DENND4C: variants seen among roughly 807,000 people sequenced by gnomAD.
DENND4C encodes the protein DENN domain-containing protein 4C.
Under a neutral mutation model 203.0 loss-of-function variants are expected in DENND4C, and 108 were observed. The observed-to-expected ratio is 0.53, with a 90% CI of 0.46 to 0.62. The LOEUF (loss-of-function observed/expected upper bound fraction) is 0.62. Ranked by LOEUF, DENND4C falls within the 20% of genes least tolerant of loss-of-function variation. The pLI, the probability that DENND4C is intolerant of heterozygous loss-of-function variation, is 0.00. For synonymous variants in DENND4C, 871 were observed against 792.4 expected (o/e 1.10, Z -1.67); for missense variants, 2,481 against 2,301.2 (o/e 1.08, Z -1.60).
chr9:19,358,209 A>G lies in DENND4C; in HGVS notation c.5160+49A>G. 1.4e-6 allele frequency: 2 copies of G among 1,438,766 alleles called. No individual in the cohort carries two copies. The highest frequency in any genetic ancestry group is 1.9e-6 in the Non-Finnish European group (2 of 1,049,134). The allele number at this position is 1,438,766 out of a possible 1,614,324, so 89.1% of individuals were successfully genotyped here. ...AATTATACTGCATACACACCTAAGT[A>G]TATAGTAGAACATTATAAATTCTTC... is the stretch of plus-strand genomic sequence containing the variant. On this transcript the variant is annotated intron_variant, in intron 28 of 32. Coordinates refer to ENST00000434457, the MANE Select transcript of DENND4C (RefSeq NM_001330640.2). The surrounding 1 kb of genome is among the most constrained non-coding windows in gnomAD (Gnocchi z 4.8).
chr9:19,338,127 C>G (rs1316961066), intron 20 of DENND4C, among the ~76,000 whole-genome samples: 3 of 152,068 alleles, frequency 2.0e-5, no homozygotes, highest in Non-Finnish European at 4.4e-5. Context: ...AATTAACTTC[C>G]TCAGTTTGCC....
chr9:19,356,613 T>A (rs1246302589), intron 26 of DENND4C, among the ~76,000 whole-genome samples: 2 of 152,148 alleles, frequency 1.3e-5, no homozygotes, highest in African/African-American at 4.8e-5. Context: ...CTCTTTATTT[T>A]TTTTTTTAAC....
intron 1 of DENND4C, among the ~76,000 whole-genome samples, chr9:19,241,794 G>C (rs1016141809): frequency 1.3e-5 from 2 of 151,904 alleles, no homozygotes; most frequent in African/African-American, 4.8e-5. Flanking sequence ...GAGGTGGGAC[G>C]ATCGCTTGAG....
intron 30 of DENND4C, among the ~76,000 whole-genome samples, chr9:19,363,658 CAT>C (rs1401500445): frequency 6.6e-6 from 1 of 152,038 alleles, no homozygotes; most frequent in African/African-American, 2.4e-5. Flanking sequence ...GTAATATAAA[CAT>C]ATTTTAAAAG....
intron 2 of DENND4C, among the ~76,000 whole-genome samples, chr9:19,279,451 G>A (rs963834955): frequency 2.0e-5 from 3 of 152,054 alleles, no homozygotes; most frequent in South Asian, 2.1e-4. Flanking sequence ...GAGGCAAGCC[G>A]ATCACTTGTG....
intron 1 of DENND4C, among the ~76,000 whole-genome samples, chr9:19,255,106 G>C (rs145666120): frequency 6.6e-6 from 1 of 152,006 alleles, no homozygotes; most frequent in South Asian, 2.1e-4. Flanking sequence ...AGATTGTGCC[G>C]TTGCACTCCA....
chr9:19,274,169 G>A (rs1225375844), intron 1 of DENND4C, among the ~76,000 whole-genome samples: 2 of 151,972 alleles, frequency 1.3e-5, no homozygotes, highest in Non-Finnish European at 2.9e-5. Context: ...AATACATACT[G>A]TATGAGTCTA....
intron 1 of DENND4C, among the ~76,000 whole-genome samples, chr9:19,235,801 G>A (rs1412449017): frequency 6.6e-6 from 1 of 151,780 alleles, no homozygotes. Context: ...TAGTAGAGAT[G>A]GGGTTTCACC....
chr9:19,335,052 A>G lies in DENND4C; in HGVS notation c.2536A>G (p.Met846Val). 1 of 1,613,088 alleles carries G rather than the reference A, an allele frequency of 6.2e-7. No individual in the cohort carries two copies. The highest frequency in any genetic ancestry group is 8.5e-7 in the Non-Finnish European group (1 of 1,179,480). The change falls in exon 18 of 33, where the codon ATG (methionine) becomes GTG (valine). Residue 846 changes from methionine to valine, a missense_variant. By Grantham distance (21) the Met-to-Val change is conservative. Around this residue, in one of 3 missense-constraint regions of DENND4C, gnomAD observed 2,289 missense variants for 2,113.3 expected, o/e 1.08. Transcript: ENST00000434457. ...TTTAGCAGTGAGAGTCTTATTTGAA[A>G]TGAAAACTGCTAGGATAAAGCCTAA... Reference protein sequence around the residue: ...PVLAVRVLFEMKTARIKPNAI... With the variant: ...PVLAVRVLFEVKTARIKPNAI...
Position 19,325,972 on chromosome 9 carries a change from A to C in DENND4C, c.1987A>C (p.Lys663Gln), listed in dbSNP as rs868813327. 2 of 1,609,280 alleles carry C rather than the reference A, an allele frequency of 1.2e-6. No homozygotes were observed. The highest frequency in any genetic ancestry group is 1.7e-4 in the Middle Eastern group (1 of 6,046). ...FPDKGTEKTD[K>Q]VDFDSAEDTR... ...TGATAAAGGCACAGAGAAAACAGAT[A>C]AGGTATGTTTTTCTTAGATTTTAAG... Residue 663 changes from lysine (K) to glutamine (Q), a missense_variant and splice_region_variant, in exon 14 of 33, where the codon AAG (lysine) becomes CAG (glutamine). Lys to Gln is a moderately conservative substitution (Grantham distance 53). Around this residue, in one of 3 missense-constraint regions of DENND4C, gnomAD observed 2,289 missense variants for 2,113.3 expected, o/e 1.08. Coordinates refer to ENST00000434457, the MANE Select transcript of DENND4C (RefSeq NM_001330640.2).
At chr9:19,282,629 G>A (rs1422144540) in intron 2 of DENND4C, among the ~76,000 whole-genome samples, 1 of 149,802 alleles carries the variant, frequency 6.7e-6, no homozygotes, top group Non-Finnish European at 1.5e-5. Context: ...AGGCTCAAGT[G>A]ATCCAGCCTC....
intron 15 of DENND4C, 21 bp from the exon 16 acceptor site, chr9:19,328,009 C>G (rs753801056): frequency 1.9e-6 from 3 of 1,566,652 alleles, no homozygotes; most frequent in Non-Finnish European, 2.6e-6. Context: ...ATCAGCAGTT[C>G]TATTTTTTTT....
At chr9:19,329,533 T>G (rs960719625) in intron 16 of DENND4C, among the ~76,000 whole-genome samples, 2 of 152,212 alleles carry the variant, frequency 1.3e-5, no homozygotes, top group African/African-American at 4.8e-5. Flanking sequence ...TTAATATGGA[T>G]GTATGTTTTT....
intron 4 of DENND4C, among the ~76,000 whole-genome samples, chr9:19,289,257 C>T (rs765594535): frequency 5.3e-5 from 8 of 152,268 alleles, no homozygotes; most frequent in Non-Finnish European, 1.0e-4. Context: ...GTCTTCATTC[C>T]ACTGGTATGG....
At chr9:19,255,220 T>TAG (rs1244068118) in intron 1 of DENND4C, among the ~76,000 whole-genome samples, 1 of 151,932 alleles carries the variant, frequency 6.6e-6, no homozygotes, top group Admixed American at 6.6e-5. Context: ...TTGGGTAGCA[T>TAG]AGAGAGACCC....
intron 2 of DENND4C, among the ~76,000 whole-genome samples, chr9:19,277,691 A>G (rs759453268): frequency 8.6e-5 from 13 of 151,960 alleles, no homozygotes; most frequent in Non-Finnish European, 1.8e-4. Flanking sequence ...AACTTTTAGT[A>G]TGTTGAATAG....
chr9:19,352,575 A>C lies in DENND4C; in HGVS notation c.4691A>C (p.Asp1564Ala). 1 of 1,613,854 alleles carries C rather than the reference A, an allele frequency of 6.2e-7. No individual in the cohort carries two copies. Among genetic ancestry groups the C allele is most frequent in the South Asian group, 1.1e-5 (1 of 91,052 alleles). The part of the protein sequence containing the change: ...EEIMAGWTAD[D>A]SNLNTACPFC... ...ATTATGGCTGGATGGACAGCAGATG[A>C]CTCAAATTTGAATACAGCTTGTCCA... Residue 1564 changes from aspartate (D) to alanine (A), a missense_variant, in exon 26 of 33, where the codon GAC becomes GCC. Physicochemically the swap from Asp to Ala is moderately radical, Grantham distance 126. Coordinates refer to ENST00000434457, the MANE Select transcript of DENND4C (RefSeq NM_001330640.2).
At chr9:19,320,617 C>A (rs1181825484) in intron 12 of DENND4C, among the ~76,000 whole-genome samples, 1 of 152,200 alleles carries the variant, frequency 6.6e-6, no homozygotes, top group Non-Finnish European at 1.5e-5. Context: ...CAGTGCAGAT[C>A]TAGGGGCTTG....
chr9:19,276,976 G>A (rs144858153), intron 2 of DENND4C, among the ~76,000 whole-genome samples: 343 of 151,962 alleles, frequency 2.3e-3, no homozygotes, highest in African/African-American at 7.8e-3. Flanking sequence ...TTTTCATGAA[G>A]TATCTAGTAT....
Sources: gnomAD v4.1 joint callset for allele counts (sites outside exome capture counted in the v4.1 genomes callset) on GRCh38, gnomAD v4.1.1 for gene constraint, gnomAD v4.1.1 regional missense constraint, Gnocchi (gnomAD v3.1) non-coding constraint, MANE v1.5 for transcripts, NCBI Gene and HGNC (gene_info 2026-07-23, HGNC 2026-07-21) for gene names.